Variants in RAB28 observed in about 807,000 individuals in gnomAD.
RAB28 encodes RAB28, member RAS oncogene family.
In RAB28, 24 loss-of-function variants were observed where a neutral mutation model predicts 31.7. That is an observed-to-expected ratio of 0.76 (90% CI 0.55 to 1.06). RAB28 has a LOEUF of 1.06. RAB28 is among the 50% of genes least tolerant of loss of function. The probability of loss-of-function intolerance (pLI) is 0.00; values close to 1 mark genes in which losing one functional copy is unlikely to be tolerated. For missense variants in RAB28, 254 were observed against 258.5 expected (o/e 0.98, Z 0.12); for synonymous variants, 100 against 90.4 (o/e 1.11, Z -0.60).
intron 4 of RAB28, among the ~76,000 whole-genome samples, chr4:13,392,463 T>C (rs1271915061): frequency 6.6e-6 from 1 of 152,188 alleles, no homozygotes; most frequent in Non-Finnish European, 1.5e-5. Flanking sequence ...TTCTTGACTT[T>C]GCATTAAGGT....
rs1331369255 is a variant in RAB28 at position 13,474,371 on chromosome 4, C to T, written c.208G>A (p.Gly70Arg). 6.3e-7 allele frequency: 1 copy of T among 1,596,352 alleles called. No individual in the cohort carries two copies. Among genetic ancestry groups the T allele is most frequent in the Non-Finnish European group, 8.6e-7 (1 of 1,168,126 alleles). Residue 70 changes from glycine (G) to arginine (R), a missense_variant, in exon 3 of 7, where the codon GGA becomes AGA. Coordinates refer to ENST00000330852, the MANE Select transcript of RAB28 (RefSeq NM_001017979.3). Reference protein sequence around the residue: ...LNVTLQIWDIGGQTIGGKMLD... With the variant: ...LNVTLQIWDIRGQTIGGKMLD... ...ATTTTGCCTCCTATTGTCTGCCCTC[C>T]TATATCCCAAATTTGAAGGGTAACA...
intron 4 of RAB28, among the ~76,000 whole-genome samples, chr4:13,452,582 T>G (rs937144689): frequency 2.0e-5 from 3 of 152,088 alleles, no homozygotes; most frequent in Non-Finnish European, 4.4e-5. Flanking sequence ...TTTTGAATGT[T>G]CATCTACTGT....
At chr4:13,395,382 A>G (rs1037912650) in intron 4 of RAB28, among the ~76,000 whole-genome samples, 1 of 152,128 alleles carries the variant, frequency 6.6e-6, no homozygotes, top group Non-Finnish European at 1.5e-5. Flanking sequence ...ATGTGAAATT[A>G]CATAAAGTTT....
intron 4 of RAB28, among the ~76,000 whole-genome samples, chr4:13,441,846 C>T (rs1006352749): frequency 1.3e-5 from 2 of 152,106 alleles, no homozygotes; most frequent in Admixed American, 6.5e-5. Context: ...CCATAAAGCC[C>T]AAGAGCTGTT....
chr4:13,417,549 G>C lies in RAB28; in HGVS notation c.392-35955C>G, dbSNP rs145510055. 3.1e-3 allele frequency among the ~76,000 whole-genome samples: 466 copies of C among 152,282 alleles called. 2 individuals carry two copies. Among genetic ancestry groups the C allele is most frequent in the Middle Eastern group, 6.8e-3 (2 of 294 alleles). On this transcript the variant is annotated intron_variant, in intron 4 of 6. Transcript: ENST00000330852. ...TCTGGGACGAAGCTTACAGAGGAAG[G>C]ATCAGGCAGCAATATTTGCTGTTCT...
In RAB28 at chr4:13,479,513, G is replaced by A. The variant is rs148745354; in HGVS notation, c.89C>T (p.Thr30Met). Residue 30 changes from threonine to methionine, a missense_variant, in exon 2 of 7, where the codon ACG becomes ATG. Thr to Met is a moderately conservative substitution (Grantham distance 81, BLOSUM62 -1). Coordinates refer to ENST00000330852, the MANE Select transcript of RAB28 (RefSeq NM_001017979.3). ...DGASGKTSLTTCFAQETFGKQ... is the reference protein window; with the variant it reads ...DGASGKTSLTMCFAQETFGKQ... ...CCCAAAAGTTTCTTGAGCAAAACAC[G>A]TAGTTAAGGAGGTCTAAAAAATTGA... 2.3e-5 allele frequency: 37 copies of A among 1,602,998 alleles called. No individual in the cohort carries two copies. Among genetic ancestry groups the A allele is most frequent in the South Asian group, 4.4e-5 (4 of 90,442 alleles).
chr4:13,393,921 A>G (rs979793406), intron 4 of RAB28, among the ~76,000 whole-genome samples: 1 of 151,804 alleles, frequency 6.6e-6, no homozygotes, highest in African/African-American at 2.4e-5. Flanking sequence ...CTTCAAATGT[A>G]TTAAATAAAT....
chr4:13,453,821 A>T (rs1715101803), intron 4 of RAB28, among the ~76,000 whole-genome samples: 1 of 152,142 alleles, frequency 6.6e-6, no homozygotes, highest in Non-Finnish European at 1.5e-5. Context: ...TTTGGGTTAA[A>T]TCTACTTCAG....
chr4:13,422,963 A>G (rs1364500438), intron 4 of RAB28, among the ~76,000 whole-genome samples: 2 of 152,152 alleles, frequency 1.3e-5, no homozygotes, highest in Admixed American at 1.3e-4. Context: ...ATTTCATTTC[A>G]ATGTAAATTT....
At chr4:13,383,487 G>T (rs1729222918) in intron 4 of RAB28, among the ~76,000 whole-genome samples, 1 of 151,648 alleles carries the variant, frequency 6.6e-6, no homozygotes. Context: ...GAAAAAAAAA[G>T]AACTTATTCA....
At chr4:13,467,671 CAGGA>C (rs892381417) in intron 3 of RAB28, among the ~76,000 whole-genome samples, 2 of 151,762 alleles carry the variant, frequency 1.3e-5, no homozygotes, top group African/African-American at 4.8e-5. Context: ...TATGCTAAAA[CAGGA>C]GAGAAAATAC....
chr4:13,421,291 G>A (rs916686103), intron 4 of RAB28, among the ~76,000 whole-genome samples: 18 of 152,152 alleles, frequency 1.2e-4, no homozygotes, highest in Non-Finnish European at 1.5e-5. Context: ...CCATGCTCAT[G>A]AATAGGAAGA....
chr4:13,422,056 A>G (rs1229738389), intron 4 of RAB28, among the ~76,000 whole-genome samples: 3 of 144,102 alleles, frequency 2.1e-5, no homozygotes, highest in Non-Finnish European at 4.7e-5. Context: ...AACTTACAAG[A>G]AAAAAAAAAA....
At chr4:13,395,227 A>T (rs1020445917) in intron 4 of RAB28, among the ~76,000 whole-genome samples, 1 of 152,330 alleles carries the variant, frequency 6.6e-6, no homozygotes. Flanking sequence ...TTATATTTGT[A>T]AAACATTAAA....
At chr4:13,415,753 A>G (rs1268961379) in intron 4 of RAB28, among the ~76,000 whole-genome samples, 3 of 152,160 alleles carry the variant, frequency 2.0e-5, no homozygotes, top group Non-Finnish European at 4.4e-5. Flanking sequence ...GACCACGCAA[A>G]GGCTGAGGCG....
intron 6 of RAB28, 67 bp downstream of exon 6, chr4:13,376,478 A>G: frequency 1.7e-6 from 2 of 1,182,670 alleles, no homozygotes; most frequent in Non-Finnish European, 2.4e-6. Context: ...GAAAGAATTT[A>G]TGGGTGAAAA....
intron 4 of RAB28, among the ~76,000 whole-genome samples, chr4:13,399,485 T>A (rs1013635072): frequency 2.0e-5 from 3 of 152,330 alleles, no homozygotes; most frequent in Admixed American, 2.0e-4. Flanking sequence ...TCATACTCTA[T>A]GAATGTTCAA....
rs1016421777 is a variant in RAB28, at chr4:13,400,131, ATCT to A, written c.392-18540_392-18538del. Among the ~76,000 whole-genome samples, 3 of 152,132 alleles carry A rather than the reference ATCT, an allele frequency of 2.0e-5. No individual in the cohort carries two copies. The East Asian group carries it at 5.8e-4, about 29-fold the overall frequency. On this transcript the variant is annotated intron_variant, in intron 4 of 6. Transcript: ENST00000330852. ...TTAAGCATTCTCTTCTTTCTCAAAG[ATCT>A]TCTATATCACCTCCACTATAATATC...
At chr4:13,378,582 C>T (rs1444750000) in intron 5 of RAB28, among the ~76,000 whole-genome samples, 1 of 151,996 alleles carries the variant, frequency 6.6e-6, no homozygotes, top group African/African-American at 2.4e-5. Context: ...ATAATATTTT[C>T]TGTGTTGAAA....
Sources: allele counts gnomAD v4.1 joint callset (sites outside exome capture counted in the v4.1 genomes callset), GRCh38; gene constraint gnomAD v4.1.1; transcripts MANE v1.5; gene names NCBI Gene and HGNC (gene_info 2026-07-23, HGNC 2026-07-21).